Variants in FARP1 observed in about 807,000 individuals in gnomAD.
FARP1 encodes the protein FERM, ARHGEF and pleckstrin domain-containing protein 1.
FARP1 carries 52 observed loss-of-function variants against 128.8 expected under a neutral mutation model. The observed-to-expected ratio is 0.40, with a 90% CI of 0.32 to 0.51. The LOEUF (loss-of-function observed/expected upper bound fraction) is 0.51. Ranked by LOEUF, FARP1 falls within the 20% of genes least tolerant of loss-of-function variation. The pLI is 0.45. For synonymous variants in FARP1, 580 were observed against 551.8 expected, an observed-to-expected ratio of 1.05 and a Z score of -0.72; for missense variants, 1,333 against 1,367.9, an observed-to-expected ratio of 0.97 and a Z score of 0.40.
At chr13:98,178,868 T>TA (rs534127754) in intron 1 of FARP1, among the ~76,000 whole-genome samples, 5 of 152,264 alleles carry the variant, frequency 3.3e-5, no homozygotes, top group Non-Finnish European at 7.3e-5. Context: ...CTTCAACTGT[T>TA]ATCATCCCAT....
chr13:98,334,469 TAAAG>T (rs3086458), intron 2 of FARP1: 27,897 of 151,982 alleles, frequency 0.18, 2,792 homozygotes, highest in East Asian at 0.25. Context: ...GCAGCAATAA[TAAAG>T]AATGTGTATC....
chr13:98,262,600 G>A (rs1285537090), intron 2 of FARP1, among the ~76,000 whole-genome samples: 1 of 152,208 alleles, frequency 6.6e-6, no homozygotes, highest in African/African-American at 2.4e-5. Flanking sequence ...CCAGGCATAT[G>A]TTAATGAAAT....
chr13:98,243,696 CAAAAAA>C (rs61020922), intron 2 of FARP1, among the ~76,000 whole-genome samples: 1 of 64,916 alleles, frequency 1.5e-5, no homozygotes, highest in Non-Finnish European at 3.1e-5. Context: ...GACTCCATCT[CAAAAAA>C]AAAAAAAAAA....
At chr13:98,349,239 T>C (rs1049094138) in intron 3 of FARP1, among the ~76,000 whole-genome samples, 5 of 152,208 alleles carry the variant, frequency 3.3e-5, no homozygotes, top group African/African-American at 7.2e-5. Flanking sequence ...TACAAGGTTA[T>C]TATGAGGGCT....
At chr13:98,394,343 C>A (rs557708531) in intron 12 of FARP1, among the ~76,000 whole-genome samples, 1 of 152,196 alleles carries the variant, frequency 6.6e-6, no homozygotes, top group Non-Finnish European at 1.5e-5. Flanking sequence ...AAAAAAACCC[C>A]TTTCCCCGTC....
chr13:98,192,371 C>T (rs182770656), intron 1 of FARP1, among the ~76,000 whole-genome samples: 3 of 152,158 alleles, frequency 2.0e-5, no homozygotes, highest in Non-Finnish European at 4.4e-5. Context: ...GCCATCAACC[C>T]CAGCAATGTA....
intron 2 of FARP1, among the ~76,000 whole-genome samples, chr13:98,232,119 C>T (rs562414571): frequency 1.4e-5 from 2 of 147,786 alleles, no homozygotes; most frequent in African/African-American, 2.5e-5. Context: ...CATGAGCCAC[C>T]GTGCCCGGCT....
intron 24 of FARP1, among the ~76,000 whole-genome samples, chr13:98,443,280 T>TGGGGTTTGAAGGTGGCAG (rs1305180243): frequency 6.6e-6 from 1 of 152,088 alleles, no homozygotes; most frequent in Non-Finnish European, 1.5e-5. Context: ...CACTGGCCAG[T>TGGGGTTTGAAGGTGGCAG]GGGGTTTGAA....
At chr13:98,219,809 G>T (rs1009699452) in intron 2 of FARP1, among the ~76,000 whole-genome samples, 3 of 152,044 alleles carry the variant, frequency 2.0e-5, no homozygotes, top group African/African-American at 7.2e-5. Flanking sequence ...GAGACTACAG[G>T]CACGCATCAC....
chr13:98,314,910 C>T lies in FARP1; in HGVS notation c.172-28852C>T, dbSNP rs73563573. 3.4e-3 allele frequency among the ~76,000 whole-genome samples: 522 copies of T among 152,146 alleles called. 4 individuals carry two copies. Among genetic ancestry groups the T allele is most frequent in the African/African-American group, 0.012 (486 of 41,518 alleles). ...AGGAGCTTTGTGTTTGCTTGGGACT[C>T]GGATTGAAGATAGCAGATGGTTCAA... On this transcript the variant is annotated intron_variant, in intron 2 of 26. Coordinates refer to ENST00000319562, the MANE Select transcript of FARP1 (RefSeq NM_005766.4).
At chr13:98,299,467 C>T (rs1248216361) in intron 2 of FARP1, among the ~76,000 whole-genome samples, 3 of 152,278 alleles carry the variant, frequency 2.0e-5, no homozygotes, top group African/African-American at 4.8e-5. Context: ...TTTGACATTA[C>T]GCCTTCAAAT....
At chr13:98,309,306 A>G (rs546906651) in intron 2 of FARP1, among the ~76,000 whole-genome samples, 2 of 149,508 alleles carry the variant, frequency 1.3e-5, no homozygotes, top group East Asian at 4.0e-4. Flanking sequence ...AGCTGGGCCT[A>G]CAGGCGCCCA....
intron 12 of FARP1, 127 bp from the exon 13 acceptor site, chr13:98,395,100 C>G: frequency 1.8e-6 from 2 of 1,131,208 alleles, no homozygotes; most frequent in Non-Finnish European, 2.4e-6. Flanking sequence ...CCAGAGAGCT[C>G]CGGGGCAGTT....
rs1330894027 is a variant in FARP1, at chr13:98,441,037, G to A, written c.2796+201G>A. Among the ~76,000 whole-genome samples the A allele has an allele frequency of 2.0e-5, 3 of 152,234 alleles. No homozygotes were observed. The East Asian group carries it at 5.8e-4, about 29-fold the overall frequency. On this transcript the variant is annotated intron_variant, in intron 24 of 26. Transcript: ENST00000319562. ...TCCCTGCAGGGGTGATGCTGAGTGGGCGCCGACCTCCCACAAATGCAGTCA... is the reference window on the plus strand; with the variant it reads ...TCCCTGCAGGGGTGATGCTGAGTGGACGCCGACCTCCCACAAATGCAGTCA...
rs1881104272 is a variant in FARP1 at position 98,217,087 on chromosome 13, C to T, written c.171+3674C>T. Among the ~76,000 whole-genome samples, 3 of 152,132 alleles carry T rather than the reference C, an allele frequency of 2.0e-5. No homozygotes were observed. In the East Asian group the frequency reaches 5.8e-4, roughly 29 times the overall value. The stretch of plus-strand genomic sequence containing the variant: ...TTTTCTGTGTCCCCTCCTCGTGACC[C>T]GGCGGGTAAACAAACACAGTTCCCA... On this transcript the variant is annotated intron_variant, in intron 2 of 26. Coordinates refer to ENST00000319562, the MANE Select transcript of FARP1 (RefSeq NM_005766.4).
At chr13:98,146,229 G>C (rs1452788708) in intron 1 of FARP1, among the ~76,000 whole-genome samples, 2 of 96,152 alleles carry the variant, frequency 2.1e-5, no homozygotes, top group African/African-American at 7.2e-5. Flanking sequence ...TACTGTACTT[G>C]CCTGATTTTT....
chr13:98,451,733 CAT>C lies in FARP1; in HGVS notation c.*3418_*3419del, dbSNP rs1216184631. 2.0e-5 allele frequency: 3 copies of C among 152,310 alleles called. No homozygotes were observed. Among genetic ancestry groups the C allele is most frequent in the East Asian group, 3.9e-4 (2 of 5,182 alleles). The allele number at this position is 152,310 out of a possible 1,614,324, so 9.4% of individuals were successfully genotyped here. On this transcript the variant is annotated 3_prime_UTR_variant, in exon 27 of 27. Transcript: ENST00000319562. Reference sequence around the variant, plus strand: ...GATGTCAATCATCAGCTTCAACAAACATAAAAGAATGCTTCATGTACCAGTCA... The same window carrying C: ...GATGTCAATCATCAGCTTCAACAAACAAAAGAATGCTTCATGTACCAGTCA...
chr13:98,432,103 A>C (rs1052021377), intron 18 of FARP1: 1 of 152,184 alleles, frequency 6.6e-6, no homozygotes, highest in African/African-American at 2.4e-5. Flanking sequence ...GGGACTACGG[A>C]GACTAGAGAG....
rs1893240839 is a variant in FARP1 at position 98,452,348 on chromosome 13, TTATAA to T, written c.*4033_*4037del. The T allele has an allele frequency of 6.6e-6, 1 of 152,432 alleles. No homozygotes were observed. The highest frequency in any genetic ancestry group is 1.5e-5 in the Non-Finnish European group (1 of 68,012). 9.4% of individuals were successfully genotyped at this position (152,432 alleles called of 1,614,324 possible). On this transcript the variant is annotated 3_prime_UTR_variant, in exon 27 of 27. Transcript: ENST00000319562. ...GCGCTTCATGGGGAGAAACTGAAAA[TTATAA>T]TTTAAAGCTTCATGAGGCAAGATAT...
Sources: allele counts gnomAD v4.1 joint callset (sites outside exome capture counted in the v4.1 genomes callset), GRCh38; gene constraint gnomAD v4.1.1; transcripts MANE v1.5; gene names NCBI Gene and HGNC (gene_info 2026-07-23, HGNC 2026-07-21).